CFAP69: variants seen among roughly 807,000 people sequenced by gnomAD.
The protein encoded by CFAP69 is cilia- and flagella-associated protein 69.
Under a neutral mutation model 123.0 loss-of-function variants are expected in CFAP69, and 92 were observed. The ratio of observed to expected loss-of-function variants is 0.75; its 90% CI spans 0.63 to 0.89. CFAP69 has a LOEUF of 0.89. CFAP69 is among the 40% of genes least tolerant of loss of function. CFAP69 has a pLI of 0.00. For missense variants in CFAP69, 1,067 were observed against 1,096.9 expected, an observed-to-expected ratio of 0.97 and a Z score of 0.39; for synonymous variants, 380 against 364.3, an observed-to-expected ratio of 1.04 and a Z score of -0.49.
Position 90,264,855 on chromosome 7 carries a change from G to A in CFAP69, c.357-446G>A, listed in dbSNP as rs563500714. Among the ~76,000 whole-genome samples, 30 of 151,802 alleles carry A rather than the reference G, an allele frequency of 2.0e-4. No homozygotes were observed. The East Asian group carries it at 5.4e-3, about 27-fold the overall frequency. ...TGTCGCCAGGCTGGAGTGCAGTGGC[G>A]CAATCTCAGCTCACTGCAACCTCCG... is the stretch of plus-strand genomic sequence containing the variant. On this transcript the variant is annotated intron_variant, in intron 4 of 22. Transcript: ENST00000389297.
At position 90,300,051 on chromosome 7, in the gene CFAP69, A is replaced by C. The variant is rs1263990407; in HGVS notation, c.2042A>C (p.Lys681Thr). ...GGAGTAAAACGTGATAAAAATGGGA[A>C]GATCATTGGTGAGTATATTTATAAT... ...ELGVKRDKNG[K>T]IIDTKKPLFT... Residue 681 changes from lysine (K) to threonine (T), a missense_variant, in exon 17 of 23, where the codon AAG (lysine) becomes ACG (threonine). Physicochemically the swap from Lys to Thr is moderately conservative, Grantham distance 78. Transcript: ENST00000389297. The C allele has an allele frequency of 1.3e-6, 2 of 1,585,130 alleles. No individual in the cohort carries two copies. The highest frequency in any genetic ancestry group is 2.3e-5 in the South Asian group (2 of 86,386).
At position 90,290,850 on chromosome 7, in the gene CFAP69, G is replaced by A. The variant is rs1791076951; in HGVS notation, c.1775+2498G>A. ...TTAAGGGGAGCTATGTTTAGAAAGG[G>A]GACACAGGAAAGTGACCACAGCAGG... On this transcript the variant is annotated intron_variant, in intron 15 of 22. Transcript: ENST00000389297. Among the ~76,000 whole-genome samples, 4 of 148,984 alleles carry A rather than the reference G, an allele frequency of 2.7e-5. No individual in the cohort carries two copies. In the South Asian group the frequency reaches 8.4e-4, roughly 31 times the overall value.
chr7:90,269,557 T>C (rs990575767), intron 6 of CFAP69, among the ~76,000 whole-genome samples: 4 of 152,162 alleles, frequency 2.6e-5, no homozygotes, highest in African/African-American at 9.7e-5. Context: ...TGCAGTTTTC[T>C]GTAATGGAAG....
Position 90,286,345 on chromosome 7 carries a change from G to C in CFAP69, c.1602G>C (p.Gln534His), listed in dbSNP as rs1584468810. 2 of 1,611,298 alleles carry C rather than the reference G, an allele frequency of 1.2e-6. No homozygotes were observed. The highest frequency in any genetic ancestry group is 4.5e-5 in the East Asian group (2 of 44,754). Residue 534 changes from glutamine (Q) to histidine (H), a missense_variant, in exon 14 of 23, where the codon CAG (glutamine) becomes CAC (histidine). Coordinates refer to ENST00000389297, the MANE Select transcript of CFAP69 (RefSeq NM_001039706.3). ...AAGAAGCCATTGTTTTGGAAATCCA[G>C]TCTGATATATTACTTATCCTATCTG... ...EKEEAIVLEI[Q>H]SDILLILSGL...
At chr7:90,281,208 C>G (rs1014195004) in intron 12 of CFAP69, among the ~76,000 whole-genome samples, 1 of 152,166 alleles carries the variant, frequency 6.6e-6, no homozygotes, top group Admixed American at 6.5e-5. Flanking sequence ...AATAATTATT[C>G]CTGGCCACAA....
chr7:90,296,132 G>A (rs749394813), intron 15 of CFAP69, among the ~76,000 whole-genome samples: 1 of 152,148 alleles, frequency 6.6e-6, no homozygotes, highest in African/African-American at 2.4e-5. Context: ...TCAAGATGGA[G>A]TTGCTCTCAT....
intron 17 of CFAP69, 27 bp from the exon 18 acceptor site, chr7:90,303,942 T>C: frequency 6.5e-7 from 1 of 1,531,054 alleles, no homozygotes; most frequent in Non-Finnish European, 8.8e-7. Context: ...CTGTCCCTTT[T>C]CTATTTTCAT....
intron 5 of CFAP69, among the ~76,000 whole-genome samples, chr7:90,267,312 G>T (rs143023017): frequency 1.3e-5 from 2 of 152,066 alleles, no homozygotes; most frequent in East Asian, 1.9e-4. Flanking sequence ...AGAGATGAGC[G>T]TCTTGCAAGG....
At chr7:90,316,771 T>G in the CFAP69 span, 2 of 152,208 alleles carry the variant, frequency 1.3e-5, no homozygotes, top group African/African-American at 4.8e-5. Context: ...CAATGTAGTA[T>G]GTAAATTCAA....
intron 1 of CFAP69, among the ~76,000 whole-genome samples, chr7:90,250,496 C>G (rs966690964): frequency 7.2e-5 from 11 of 152,232 alleles, no homozygotes; most frequent in African/African-American, 2.6e-4. Context: ...AACTGAGTAT[C>G]AAATGAGCAG....
chr7:90,273,885 A>C (rs2116947052), intron 8 of CFAP69, 102 bp from the exon 9 acceptor site: 1 of 916,980 alleles, frequency 1.1e-6, no homozygotes, highest in African/African-American at 1.7e-5. Context: ...CACTCCTAAA[A>C]CCATCACATT....
intron 15 of CFAP69, among the ~76,000 whole-genome samples, chr7:90,290,765 CTT>C (rs1355528514): frequency 1.3e-5 from 1 of 75,758 alleles, no homozygotes; most frequent in African/African-American, 6.8e-5. Context: ...CTTTTCTTTT[CTT>C]TTCTTTTCTT....
intron 13 of CFAP69, among the ~76,000 whole-genome samples, chr7:90,284,200 G>A (rs1247069231): frequency 6.6e-6 from 1 of 152,108 alleles, no homozygotes; most frequent in African/African-American, 2.4e-5. Context: ...GAAAGAAGCT[G>A]ATCTTTATGT....
intron 17 of CFAP69, chr7:90,300,644 C>A: frequency 1.2e-5 from 1 of 81,258 alleles, no homozygotes; most frequent in Non-Finnish European, 2.1e-5. Flanking sequence ...ACATTTTTTT[C>A]TTTTTTTTTT....
intron 11 of CFAP69, among the ~76,000 whole-genome samples, chr7:90,277,674 C>A (rs1788813802): frequency 6.6e-6 from 1 of 152,130 alleles, no homozygotes; most frequent in Non-Finnish European, 1.5e-5. Flanking sequence ...ATAACAAGGA[C>A]TGATTTAATG....
At chr7:90,319,267 T>C in the CFAP69 span, 1 of 397,986 alleles carries the variant, frequency 2.5e-6, no homozygotes, top group Non-Finnish European at 4.4e-6. Context: ...TTTGCTACCT[T>C]GTTGGATAAC....
downstream of CFAP69, among the ~76,000 whole-genome samples, chr7:90,312,336 A>G (rs1368731642): frequency 6.6e-6 from 1 of 152,250 alleles, no homozygotes; most frequent in African/African-American, 2.4e-5. Context: ...TACTACATGA[A>G]TATAACCAAG....
In CFAP69 at chr7:90,309,287, G is replaced by C. The variant is rs1794031071; in HGVS notation, c.2575G>C (p.Ala859Pro). The C allele has an allele frequency of 1.3e-6, 2 of 1,559,084 alleles. No homozygotes were observed. Among genetic ancestry groups the C allele is most frequent in the African/African-American group, 1.4e-5 (1 of 72,454 alleles). ...GAAAGCAAAAAGCCTTCAAGAAAAA[G>C]CTATAGAAGCCTCCAGATACCATAA... ...LKKAKSLQEKAIEASRYHKRP... is the reference protein window; with the variant it reads ...LKKAKSLQEKPIEASRYHKRP... Residue 859 changes from alanine to proline, a missense_variant, in exon 22 of 23, where the codon GCT (alanine) becomes CCT (proline). Ala to Pro is a conservative substitution (Grantham distance 27). Coordinates refer to ENST00000389297, the MANE Select transcript of CFAP69 (RefSeq NM_001039706.3).
intron 19 of CFAP69, among the ~76,000 whole-genome samples, chr7:90,305,581 G>A (rs560205719): frequency 4.8e-4 from 72 of 151,502 alleles, no homozygotes; most frequent in African/African-American, 1.7e-3. Flanking sequence ...TTTAATTTTT[G>A]TATTCTCATG....
Sources: gnomAD v4.1 joint callset for allele counts (sites outside exome capture counted in the v4.1 genomes callset) on GRCh38, gnomAD v4.1.1 for gene constraint, MANE v1.5 for transcripts, NCBI Gene and HGNC (gene_info 2026-07-23, HGNC 2026-07-21) for gene names.